Variants in UPRT observed in about 807,000 individuals in gnomAD.
The protein encoded by UPRT is RP11-311P8.3.
UPRT carries 5 observed loss-of-function variants against 22.6 expected under a neutral mutation model. The ratio of observed to expected loss-of-function variants is 0.22; its 90% CI spans 0.12 to 0.47. UPRT has a LOEUF of 0.47. UPRT is among the 20% of genes least tolerant of loss of function. The pLI, the probability that UPRT is intolerant of heterozygous loss-of-function variation, is 0.99. For synonymous variants in UPRT, 77 were observed against 87.7 expected (o/e 0.88, Z 0.68); for missense variants, 181 against 239.9 (o/e 0.75, Z 1.62).
At chrX:75,236,769 C>A (rs2082466642) in intron 4 of UPRT, among the ~76,000 whole-genome samples, 1 of 112,181 alleles carries the variant, frequency 8.9e-6, no homozygotes, top group Non-Finnish European at 1.9e-5. Context: ...AAACTGGATC[C>A]CTTCCTTACA....
intron 4 of UPRT, among the ~76,000 whole-genome samples, chrX:75,232,949 G>C (rs1404916246): frequency 3.6e-5 from 4 of 112,321 alleles, no homozygotes; most frequent in Non-Finnish European, 7.5e-5. Flanking sequence ...TGATTTTGAC[G>C]AGCTGAGAGA....
intron 4 of UPRT, among the ~76,000 whole-genome samples, chrX:75,201,979 C>A (rs753762649): frequency 9.0e-6 from 1 of 111,375 alleles, no homozygotes; most frequent in Admixed American, 9.6e-5. Context: ...AAACTTTAAA[C>A]CTCTTGGGGG....
At chrX:75,264,827 C>T (rs965719798) in intron 4 of UPRT, among the ~76,000 whole-genome samples, 1 of 109,146 alleles carries the variant, frequency 9.2e-6, no homozygotes, top group Non-Finnish European at 1.9e-5. Context: ...GTGACTAGTA[C>T]CTTTCCATGT....
At chrX:75,163,565 A>G (rs140021412) in intron 3 of UPRT, among the ~76,000 whole-genome samples, 1,346 of 111,838 alleles carry the variant, frequency 0.012, 22 homozygotes, top group African/African-American at 0.042. Context: ...AATTCTGCCT[A>G]TGACAAAAAA....
chrX:75,284,468 T>A (rs1370761110), intron 1 of UPRT, among the ~76,000 whole-genome samples: 2 of 111,841 alleles, frequency 1.8e-5, no homozygotes, highest in African/African-American at 6.5e-5. Flanking sequence ...GTTGTTCAGA[T>A]TCTTTTGTCC....
chrX:75,198,428 A>T (rs1247822556), intron 4 of UPRT, among the ~76,000 whole-genome samples: 1 of 112,308 alleles, frequency 8.9e-6, no homozygotes, highest in Non-Finnish European at 1.9e-5. Flanking sequence ...TTACTTTAAA[A>T]TATCTATGAA....
At chrX:75,229,801 T>C (rs185648045) in intron 4 of UPRT, among the ~76,000 whole-genome samples, 21 of 111,925 alleles carry the variant, frequency 1.9e-4, no homozygotes, top group South Asian at 3.7e-4. Context: ...GCCAGCAGAA[T>C]TGGGGAGGGG....
intron 4 of UPRT, among the ~76,000 whole-genome samples, chrX:75,233,415 A>G (rs982445207): frequency 5.8e-4 from 65 of 111,310 alleles, no homozygotes; most frequent in Non-Finnish European, 3.4e-4. Flanking sequence ...GCCAACATTC[A>G]GATTCAGGAA....
At chrX:75,284,465 A>C (rs975112171) in intron 1 of UPRT, among the ~76,000 whole-genome samples, 2 of 111,707 alleles carry the variant, frequency 1.8e-5, no homozygotes, top group Non-Finnish European at 3.8e-5. Flanking sequence ...GCTGTTGTTC[A>C]GATTCTTTTG....
intron 1 of UPRT, among the ~76,000 whole-genome samples, chrX:75,284,512 C>T (rs749287678): frequency 1.8e-3 from 198 of 111,788 alleles, no homozygotes; most frequent in Non-Finnish European, 3.2e-3. Context: ...TACTCTCCTC[C>T]GTTTCCTATG....
intron 4 of UPRT, among the ~76,000 whole-genome samples, chrX:75,240,075 T>C (rs971288009): frequency 3.6e-5 from 4 of 111,298 alleles, no homozygotes; most frequent in Non-Finnish European, 7.6e-5. Flanking sequence ...CTATTCAACA[T>C]AGTACCAGAA....
chrX:75,182,999 T>A (rs895421127), intron 4 of UPRT, among the ~76,000 whole-genome samples: 1 of 110,993 alleles, frequency 9.0e-6, no homozygotes, highest in African/African-American at 3.3e-5. Context: ...TAACCTTCCT[T>A]CTTTTTTATT....
chrX:75,298,511 CTTAA>C (rs147885276), intron 4 of UPRT, among the ~76,000 whole-genome samples: 22,196 of 110,888 alleles, frequency 0.2, 2,167 homozygotes, highest in Non-Finnish European at 0.3. Context: ...ATTCAGCCAA[CTTAA>C]TTGTTTCACG....
rs2082738461 is a variant in UPRT, at chrX:75,299,910, A to G, written c.724+14A>G. ...ATCCAATTCTCAGTGAGTGGCTTCC[A>G]TTTGTTTGTAACCTTTGGTTAGGGT... On this transcript the variant is annotated intron_variant, in intron 5 of 6. Coordinates refer to ENST00000373383, the MANE Select transcript of UPRT (RefSeq NM_145052.4). The G allele has an allele frequency of 8.3e-7, 1 of 1,206,039 alleles. No homozygotes were observed. Among genetic ancestry groups the G allele is most frequent in the Non-Finnish European group, 1.1e-6 (1 of 892,597 alleles).
In UPRT at chrX:75,274,246, G is replaced by T. The variant is rs779203427; in HGVS notation, c.-9G>T. ...TCAGTAGCAGCGGGGATAGCCCGGG[G>T]CCCGGTGTATGGCCACGGAGTTACA... On this transcript the variant is annotated 5_prime_UTR_variant, in exon 1 of 7. Coordinates refer to ENST00000373383, the MANE Select transcript of UPRT (RefSeq NM_145052.4). The T allele has an allele frequency of 1.7e-6, 2 of 1,189,239 alleles. No homozygotes were observed. The highest frequency in any genetic ancestry group is 3.5e-5 in the African/African-American group (2 of 56,714).
rs2082217031 is a variant in UPRT at position 75,167,880 on chromosome X, G to T, written c.-447+1G>T. ...AGCCAGCCCAAACAAGTACAAATTGGTAAGTGTTTTGGATTTCTGTTTTAT... is the reference window on the plus strand; with the variant it reads ...AGCCAGCCCAAACAAGTACAAATTGTTAAGTGTTTTGGATTTCTGTTTTAT... On this transcript the variant is annotated splice_donor_variant, in intron 4 of 13. Coordinates refer to the UPRT transcript ENST00000652605. LOFTEE classifies it low-confidence loss of function (5UTR_SPLICE). Among the ~76,000 whole-genome samples, 1 of 111,269 alleles carries T rather than the reference G, an allele frequency of 9.0e-6. No homozygotes were observed. Among genetic ancestry groups the T allele is most frequent in the Non-Finnish European group, 1.9e-5 (1 of 53,064 alleles).
intron 4 of UPRT, among the ~76,000 whole-genome samples, chrX:75,189,217 T>C (rs951096688): frequency 1.8e-5 from 2 of 112,279 alleles, no homozygotes; most frequent in African/African-American, 6.5e-5. Flanking sequence ...ACATCTTTAT[T>C]TGTGCCTTTG....
intron 4 of UPRT, among the ~76,000 whole-genome samples, chrX:75,262,099 T>C (rs771852973): frequency 3.6e-5 from 4 of 111,819 alleles, no homozygotes; most frequent in African/African-American, 9.7e-5. Flanking sequence ...GCAGAAATGA[T>C]ACAAGCCAGA....
intron 4 of UPRT, among the ~76,000 whole-genome samples, chrX:75,180,501 C>G (rs1479963022): frequency 9.0e-6 from 1 of 110,900 alleles, no homozygotes; most frequent in Non-Finnish European, 1.9e-5. Context: ...CTCCCAGATC[C>G]TGCAGCAGCG....
Sources: gnomAD v4.1 joint callset for allele counts (sites outside exome capture counted in the v4.1 genomes callset) on GRCh38, gnomAD v4.1.1 for gene constraint, MANE v1.5 for transcripts, NCBI Gene and HGNC (gene_info 2026-07-23, HGNC 2026-07-21) for gene names.